LRP1B: variants seen among roughly 807,000 people sequenced by gnomAD.
LRP1B encodes the protein low-density lipoprotein receptor-related protein 1B.
LRP1B carries 217 observed loss-of-function variants against 556.6 expected under a neutral mutation model. That is an observed-to-expected ratio of 0.39 (90% CI 0.35 to 0.44). The LOEUF is 0.44. Among genes scored for constraint, LRP1B ranks in the 20% least tolerant of loss-of-function variants. The pLI, the probability that LRP1B is intolerant of heterozygous loss-of-function variation, is 1.00. For missense variants in LRP1B, 5,053 were observed against 5,620.8 expected (o/e 0.90, Z 3.23); for synonymous variants, 2,047 against 1,865.8 (o/e 1.10, Z -2.50).
chr2:141,338,056 G>A (rs115109429), intron 3 of LRP1B, among the ~76,000 whole-genome samples: 2,050 of 152,180 alleles, frequency 0.013, 45 homozygotes, highest in African/African-American at 0.047. Flanking sequence ...GTTCCAATTC[G>A]CCTTCTGTTG....
intron 84 of LRP1B, among the ~76,000 whole-genome samples, chr2:140,287,800 A>C (rs1362153365): frequency 6.6e-6 from 1 of 151,674 alleles, no homozygotes; most frequent in Non-Finnish European, 1.5e-5. Flanking sequence ...TTCTCTTAAT[A>C]GGTTATTTTC....
chr2:140,997,760 G>A (rs1053919199), intron 15 of LRP1B, among the ~76,000 whole-genome samples: 4 of 151,952 alleles, frequency 2.6e-5, no homozygotes, highest in Non-Finnish European at 5.9e-5. Flanking sequence ...AGCAGGGAGA[G>A]AGAAAAGAAC....
At chr2:141,048,953 G>A (rs1024190334) in intron 11 of LRP1B, 33 bp downstream of exon 11, 3 of 1,468,364 alleles carry the variant, frequency 2.0e-6, no homozygotes, top group Non-Finnish European at 2.9e-6. Context: ...TCATCTCTGG[G>A]TAGTTTGATG....
intron 2 of LRP1B, among the ~76,000 whole-genome samples, chr2:141,549,977 A>G (rs950252847): frequency 6.6e-6 from 1 of 152,248 alleles, no homozygotes; most frequent in Non-Finnish European, 1.5e-5. Context: ...ACTGGGTGAC[A>G]GAGCAAGACC....
chr2:140,917,533 T>A (rs1025566992), intron 21 of LRP1B, among the ~76,000 whole-genome samples: 3 of 152,000 alleles, frequency 2.0e-5, no homozygotes, highest in Non-Finnish European at 4.4e-5. Flanking sequence ...TACCAACCCG[T>A]GAAAAGGCAT....
intron 2 of LRP1B, among the ~76,000 whole-genome samples, chr2:141,740,110 T>C (rs1386662937): frequency 6.6e-6 from 1 of 152,148 alleles, no homozygotes; most frequent in Non-Finnish European, 1.5e-5. Flanking sequence ...CATTAAGTGA[T>C]AATAGATCAA....
At position 140,322,088 on chromosome 2, in the gene LRP1B, A is replaced by ATACTTTATTATT; in HGVS notation, c.12515-1_12515insAATAATAAAGTA (p.Leu4172delinsTer). The ATACTTTATTATT allele has an allele frequency of 6.2e-7, 1 of 1,610,822 alleles. No homozygotes were observed. The highest frequency in any genetic ancestry group is 8.5e-7 in the Non-Finnish European group (1 of 1,178,818). On this transcript the variant is annotated stop_gained and splice_region_variant. Coordinates refer to ENST00000389484, the MANE Select transcript of LRP1B (RefSeq NM_018557.3). LOFTEE classifies it high-confidence loss of function. ...TGCTAAATCCAAGCATGGATTGGGT[A>ATACTTTATTATT]CTGGTGAAACAAAAGAAAACAAAGA... is the stretch of plus-strand genomic sequence containing the variant.
chr2:140,885,212 T>C (rs1362639610), intron 24 of LRP1B, among the ~76,000 whole-genome samples: 7 of 152,204 alleles, frequency 4.6e-5, no homozygotes, highest in African/African-American at 1.7e-4. Context: ...ATCATAATTA[T>C]ATTATGTGCT....
At chr2:140,940,801 G>C (rs1695377981) in intron 20 of LRP1B, among the ~76,000 whole-genome samples, 1 of 152,082 alleles carries the variant, frequency 6.6e-6, no homozygotes, top group African/African-American at 2.4e-5. Flanking sequence ...TGGGATTGCA[G>C]GGTCAAATGG....
chr2:141,931,682 G>A (rs548308866), intron 1 of LRP1B, among the ~76,000 whole-genome samples: 9 of 151,958 alleles, frequency 5.9e-5, no homozygotes, highest in South Asian at 2.1e-4. Context: ...CACATTTGGG[G>A]CCTATTTATG....
chr2:141,293,939 A>C (rs183974771), intron 3 of LRP1B, among the ~76,000 whole-genome samples: 1 of 152,190 alleles, frequency 6.6e-6, no homozygotes, highest in Non-Finnish European at 1.5e-5. Flanking sequence ...TTCTATATGC[A>C]TATATGTGTA....
intron 59 of LRP1B, among the ~76,000 whole-genome samples, chr2:140,478,367 T>C (rs1688066446): frequency 1.3e-5 from 2 of 152,038 alleles, no homozygotes; most frequent in Non-Finnish European, 1.5e-5. Flanking sequence ...GCCAGGATGG[T>C]CTCGATCTCC....
intron 6 of LRP1B, among the ~76,000 whole-genome samples, chr2:141,209,389 G>T (rs554581615): frequency 3.3e-5 from 5 of 152,236 alleles, no homozygotes; most frequent in Non-Finnish European, 5.9e-5. Context: ...TTCCCCTTCT[G>T]CTGTGATTGT....
chr2:141,723,986 T>A (rs1479418029), intron 2 of LRP1B, among the ~76,000 whole-genome samples: 1 of 151,800 alleles, frequency 6.6e-6, no homozygotes, highest in Non-Finnish European at 1.5e-5. Flanking sequence ...CTAATCCTCA[T>A]TTTTCCCAGA....
At chr2:140,707,789 AT>A (rs1686891835) in intron 37 of LRP1B, among the ~76,000 whole-genome samples, 1 of 151,994 alleles carries the variant, frequency 6.6e-6, no homozygotes. Flanking sequence ...ATCCCAAATC[AT>A]TTTTCAAGTC....
chr2:140,857,110 A>G (rs1692642249), intron 27 of LRP1B, among the ~76,000 whole-genome samples: 2 of 152,196 alleles, frequency 1.3e-5, no homozygotes, highest in Admixed American at 1.3e-4. Flanking sequence ...CACCAGGGAA[A>G]AGAAAAAAAC....
At chr2:141,587,287 A>G (rs997251915) in intron 2 of LRP1B, among the ~76,000 whole-genome samples, 1 of 152,204 alleles carries the variant, frequency 6.6e-6, no homozygotes, top group African/African-American at 2.4e-5. Context: ...AGTCAACCAC[A>G]TAGGACAATT....
chr2:141,524,263 A>AATAT (rs76874852), intron 2 of LRP1B, among the ~76,000 whole-genome samples: 7,085 of 147,842 alleles, frequency 0.048, 241 homozygotes, highest in South Asian at 0.11. Flanking sequence ...ATAAGCAAAG[A>AATAT]ATATATATAT....
chr2:140,287,398 C>T (rs183054935), intron 84 of LRP1B, among the ~76,000 whole-genome samples: 14 of 151,660 alleles, frequency 9.2e-5, no homozygotes, highest in Non-Finnish European at 1.6e-4. Flanking sequence ...AGATGTTAAT[C>T]GAGAAATCAG....
Sources: allele counts gnomAD v4.1 joint callset (sites outside exome capture counted in the v4.1 genomes callset), GRCh38; gene constraint gnomAD v4.1.1; transcripts MANE v1.5; gene names NCBI Gene and HGNC (gene_info 2026-07-23, HGNC 2026-07-21).